RBFOX1: variants seen among roughly 807,000 people sequenced by gnomAD.
RBFOX1 encodes the protein RNA binding protein fox-1 homolog 1.
A neutral mutation model predicts 57.7 loss-of-function variants in RBFOX1; 8 were observed. The observed-to-expected ratio is 0.14, with a 90% CI of 0.08 to 0.25. The LOEUF (loss-of-function observed/expected upper bound fraction) is 0.25. Among genes scored for constraint, RBFOX1 ranks in the 10% least tolerant of loss-of-function variants. RBFOX1 has a pLI of 1.00. For synonymous variants in RBFOX1, 326 were observed against 222.4 expected, an observed-to-expected ratio of 1.47 and a Z score of -4.15; for missense variants, 611 against 548.5, an observed-to-expected ratio of 1.11 and a Z score of -1.14.
chr16:7,277,547 G>C (rs1603475300), intron 4 of RBFOX1, among the ~76,000 whole-genome samples: 1 of 151,990 alleles, frequency 6.6e-6, no homozygotes, highest in African/African-American at 2.4e-5. Context: ...CATAATCTAG[G>C]ATCCTAAACT....
intron 2 of RBFOX1, among the ~76,000 whole-genome samples, chr16:5,528,795 C>G (rs8047482): frequency 0.37 from 55,409 of 151,444 alleles, 11,118 homozygotes; most frequent in East Asian, 0.85. Context: ...GACTATAGGT[C>G]TGCACCACCA....
intron 3 of RBFOX1, among the ~76,000 whole-genome samples, chr16:6,759,845 A>G (rs769348384): frequency 1.4e-4 from 22 of 152,196 alleles, no homozygotes; most frequent in Admixed American, 7.9e-4. Flanking sequence ...AGACAGTGGA[A>G]AATTACCCAA....
chr16:7,482,900 C>G (rs1275880099), intron 4 of RBFOX1, among the ~76,000 whole-genome samples: 1 of 152,126 alleles, frequency 6.6e-6, no homozygotes. Flanking sequence ...AGGGGGGCAG[C>G]TTTTGGCTGC....
chr16:5,440,493 C>G (rs938376564), intron 1 of RBFOX1, among the ~76,000 whole-genome samples: 1 of 152,112 alleles, frequency 6.6e-6, no homozygotes, highest in Non-Finnish European at 1.5e-5. Context: ...ACTTTTTTGA[C>G]TTGCATTGGA....
intron 4 of RBFOX1, among the ~76,000 whole-genome samples, chr16:7,196,639 A>T (rs1043155678): frequency 1.3e-5 from 2 of 152,216 alleles, no homozygotes; most frequent in African/African-American, 4.8e-5. Context: ...AAGAACTTGT[A>T]GTTAGGCAAA....
chr16:6,239,996 A>G (rs2097531870), intron 1 of RBFOX1, among the ~76,000 whole-genome samples: 1 of 152,100 alleles, frequency 6.6e-6, no homozygotes, highest in East Asian at 1.9e-4. Flanking sequence ...TGTTTCGGTC[A>G]TCGGAGTGGA....
chr16:6,825,153 C>A (rs749949333), intron 3 of RBFOX1, among the ~76,000 whole-genome samples: 29 of 151,132 alleles, frequency 1.9e-4, no homozygotes, highest in Non-Finnish European at 2.2e-4. Flanking sequence ...TCACTCAGCA[C>A]CCTTGGCGTT....
At chr16:6,002,026 G>A (rs2060609622) in intron 4 of RBFOX1, among the ~76,000 whole-genome samples, 1 of 149,564 alleles carries the variant, frequency 6.7e-6, no homozygotes, top group Non-Finnish European at 1.5e-5. Flanking sequence ...GAGTGCCGTG[G>A]CATGATTTCA....
At chr16:6,726,239 C>T (rs1297631058) in intron 3 of RBFOX1, among the ~76,000 whole-genome samples, 3 of 152,092 alleles carry the variant, frequency 2.0e-5, no homozygotes, top group Non-Finnish European at 4.4e-5. Flanking sequence ...CCCCCTACCC[C>T]AGCAAGGGAA....
At chr16:6,845,325 A>T (rs1293911105) in intron 3 of RBFOX1, among the ~76,000 whole-genome samples, 4 of 150,912 alleles carry the variant, frequency 2.7e-5, no homozygotes, top group Non-Finnish European at 1.5e-5. Flanking sequence ...TTTACATTTA[A>T]CTCTTTAATC....
chr16:5,851,063 T>C (rs988069045), intron 3 of RBFOX1, among the ~76,000 whole-genome samples: 6 of 152,164 alleles, frequency 3.9e-5, no homozygotes, highest in Non-Finnish European at 7.3e-5. Flanking sequence ...CCAAACGCAC[T>C]TCCCCAATTC....
chr16:5,929,233 C>G (rs2058998313), intron 4 of RBFOX1, among the ~76,000 whole-genome samples: 1 of 152,066 alleles, frequency 6.6e-6, no homozygotes, highest in Non-Finnish European at 1.5e-5. Flanking sequence ...GTGCCACTTT[C>G]TAAGGGGTCT....
Position 5,418,960 on chromosome 16 carries a change from T to C in RBFOX1, c.220-48256T>C, listed in dbSNP as rs145336747. On this transcript the variant is annotated intron_variant, in intron 1 of 2. Transcript: ENST00000585867. ...AGGTGAAGGCAGCCAGGAGAGTATC[T>C]AGTTGAGGCCTGAACTGGATTGGGG... Among the ~76,000 whole-genome samples the C allele has an allele frequency of 7.5e-3, 1,134 of 152,172 alleles. 11 individuals are homozygous for C. Among genetic ancestry groups the C allele is most frequent in the African/African-American group, 0.025 (1,034 of 41,512 alleles).
chr16:7,241,697 A>C (rs55759351), intron 4 of RBFOX1, among the ~76,000 whole-genome samples: 1 of 152,092 alleles, frequency 6.6e-6, no homozygotes, highest in Admixed American at 6.6e-5. Context: ...CTGGATGACA[A>C]ATGTGATACA....
rs965981087 is a variant in RBFOX1 at position 5,260,365 on chromosome 16, C to G, written c.219+20260C>G. ...TAAGTGAGCAGCATTCCTTGCTATGCACAAAGATGGCTAGAGACATGAAGA... is the reference window on the plus strand; with the variant it reads ...TAAGTGAGCAGCATTCCTTGCTATGGACAAAGATGGCTAGAGACATGAAGA... On this transcript the variant is annotated intron_variant, in intron 1 of 2. Transcript: ENST00000585867. Among the ~76,000 whole-genome samples the G allele has an allele frequency of 1.1e-4, 17 of 152,048 alleles. 1 individual carries two copies. Among genetic ancestry groups the G allele is most frequent in the African/African-American group, 4.1e-4 (17 of 41,374 alleles).
intron 3 of RBFOX1, among the ~76,000 whole-genome samples, chr16:6,827,036 A>C (rs1159889063): frequency 1.3e-5 from 2 of 152,184 alleles, no homozygotes; most frequent in Non-Finnish European, 2.9e-5. Context: ...GGGAGAAAGC[A>C]GTTTGGGGGC....
chr16:6,078,871 C>G (rs1280402577), intron 1 of RBFOX1, among the ~76,000 whole-genome samples: 2 of 152,228 alleles, frequency 1.3e-5, no homozygotes, highest in Non-Finnish European at 2.9e-5. Flanking sequence ...AAGACTCTAT[C>G]TGAAAACTGT....
At chr16:5,817,773 C>G (rs1597369853) in intron 3 of RBFOX1, among the ~76,000 whole-genome samples, 1 of 150,478 alleles carries the variant, frequency 6.6e-6, no homozygotes, top group East Asian at 2.0e-4. Flanking sequence ...GGGCTCACTG[C>G]AGCTCCGACT....
intron 3 of RBFOX1, among the ~76,000 whole-genome samples, chr16:6,796,807 A>G (rs78994585): frequency 0.028 from 4,299 of 152,270 alleles, 192 homozygotes; most frequent in South Asian, 0.15. Context: ...AGTCATAAAT[A>G]TCTACATTGT....
Sources: gnomAD v4.1 joint callset for allele counts (sites outside exome capture counted in the v4.1 genomes callset) on GRCh38, gnomAD v4.1.1 for gene constraint, MANE v1.5 for transcripts, NCBI Gene and HGNC (gene_info 2026-07-23, HGNC 2026-07-21) for gene names.